LRTM1: variants seen among roughly 807,000 people sequenced by gnomAD.
The protein encoded by LRTM1 is leucine-rich repeat and transmembrane domain-containing protein 1.
In LRTM1, 38 loss-of-function variants were observed where a neutral mutation model predicts 32.4. The ratio of observed to expected loss-of-function variants is 1.17; its 90% confidence interval spans 0.91 to 1.54. The LOEUF (loss-of-function observed/expected upper bound fraction) is 1.54, where lower values mean the gene tolerates loss of function less well. Among genes scored for constraint, LRTM1 ranks in the 40% most tolerant of loss-of-function variants. The probability of loss-of-function intolerance (pLI) is 0.00; values close to 1 mark genes in which losing one functional copy is unlikely to be tolerated. For missense variants in LRTM1, 466 were observed against 415.4 expected, an observed-to-expected ratio of 1.12 and a Z score of -1.06; for synonymous variants, 186 against 169.9, an observed-to-expected ratio of 1.09 and a Z score of -0.74.
At chr3:54,919,351 A>T (rs1291902189) in intron 2 of LRTM1, among the ~76,000 whole-genome samples, 1 of 152,240 alleles carries the variant, frequency 6.6e-6, no homozygotes. Context: ...TTATGTGTTT[A>T]TTACAAAGAT....
intron 2 of LRTM1, among the ~76,000 whole-genome samples, chr3:54,923,958 A>G (rs929605305): frequency 3.3e-5 from 5 of 152,222 alleles, no homozygotes; most frequent in East Asian, 1.9e-4. Flanking sequence ...CTGTGTTCCA[A>G]TAAAACTTTA....
intron 1 of LRTM1, among the ~76,000 whole-genome samples, chr3:54,954,283 A>G: frequency 6.6e-6 from 1 of 152,166 alleles, no homozygotes; most frequent in East Asian, 1.9e-4. Context: ...CACTCTGAAG[A>G]GCCTGCGGGA....
intron 1 of LRTM1, among the ~76,000 whole-genome samples, chr3:54,948,640 T>G (rs1261198404): frequency 1.3e-5 from 2 of 152,214 alleles, no homozygotes; most frequent in Non-Finnish European, 2.9e-5. Context: ...CTAGGTTTCA[T>G]GAGAGACACT....
At chr3:54,934,232 T>A (rs921770471) in intron 1 of LRTM1, among the ~76,000 whole-genome samples, 1 of 152,232 alleles carries the variant, frequency 6.6e-6, no homozygotes, top group Non-Finnish European at 1.5e-5. Flanking sequence ...TTTTATGCCC[T>A]AAGGTCATTT....
chr3:54,953,811 C>T (rs1187764444), intron 1 of LRTM1, among the ~76,000 whole-genome samples: 5 of 152,196 alleles, frequency 3.3e-5, no homozygotes, highest in East Asian at 1.9e-4. Context: ...CAAGTCAGTG[C>T]GCACAACCCT....
chr3:54,943,109 A>G (rs925373684), intron 1 of LRTM1, among the ~76,000 whole-genome samples: 1 of 151,862 alleles, frequency 6.6e-6, no homozygotes, highest in Admixed American at 6.6e-5. Flanking sequence ...GGTTGAGGCA[A>G]GAGGATCACT....
intron 1 of LRTM1, among the ~76,000 whole-genome samples, chr3:54,934,565 C>T (rs1701282654): frequency 6.6e-6 from 1 of 152,144 alleles, no homozygotes; most frequent in Admixed American, 6.5e-5. Context: ...GAAATGTATG[C>T]CTCCAGCCTC....
At chr3:54,932,471 C>A (rs1701213171), upstream of LRTM1, among the ~76,000 whole-genome samples, 2 of 152,138 alleles carry the variant, frequency 1.3e-5, no homozygotes, top group African/African-American at 4.8e-5. Context: ...TCTGCTTATA[C>A]TTCTGTATAT....
At chr3:54,947,388 T>C (rs1462525247) in intron 1 of LRTM1, among the ~76,000 whole-genome samples, 1 of 152,192 alleles carries the variant, frequency 6.6e-6, no homozygotes, top group African/African-American at 2.4e-5. Flanking sequence ...TGGTTAGGAC[T>C]TGCTGAGCAG....
At chr3:54,966,626 C>T (rs1488561303) in intron 1 of LRTM1, among the ~76,000 whole-genome samples, 2 of 152,142 alleles carry the variant, frequency 1.3e-5, no homozygotes, top group African/African-American at 4.8e-5. Context: ...AGAGATCAGC[C>T]TGGCTAACAT....
upstream of LRTM1, among the ~76,000 whole-genome samples, chr3:54,929,839 A>C (rs932917447): frequency 6.6e-6 from 1 of 152,164 alleles, no homozygotes; most frequent in African/African-American, 2.4e-5. Flanking sequence ...ATACATAACC[A>C]TCAATGGCCC....
At chr3:54,946,898 T>C (rs1701629821) in intron 1 of LRTM1, among the ~76,000 whole-genome samples, 1 of 152,160 alleles carries the variant, frequency 6.6e-6, no homozygotes, top group South Asian at 2.1e-4. Flanking sequence ...TGAATGATCT[T>C]TATCTGTAAT....
At chr3:54,960,568 G>T (rs1702006981) in intron 1 of LRTM1, among the ~76,000 whole-genome samples, 1 of 152,054 alleles carries the variant, frequency 6.6e-6, no homozygotes, top group Non-Finnish European at 1.5e-5. Context: ...AATGCATATT[G>T]CTTTGATCTA....
At chr3:54,936,795 CAG>C in intron 1 of LRTM1, among the ~76,000 whole-genome samples, 1 of 152,266 alleles carries the variant, frequency 6.6e-6, no homozygotes, top group Admixed American at 6.5e-5. Flanking sequence ...GCATGACTAT[CAG>C]AGTTTTGAGG....
At chr3:54,923,457 T>G (rs1700911641) in intron 2 of LRTM1, among the ~76,000 whole-genome samples, 1 of 152,154 alleles carries the variant, frequency 6.6e-6, no homozygotes, top group African/African-American at 2.4e-5. Context: ...CATCTTCCCA[T>G]CCATCCTATC....
At chr3:54,951,350 G>A (rs901630630) in intron 1 of LRTM1, among the ~76,000 whole-genome samples, 4 of 152,210 alleles carry the variant, frequency 2.6e-5, no homozygotes, top group African/African-American at 2.4e-5. Flanking sequence ...CAGCACTATA[G>A]TAATGTTTCT....
chr3:54,957,160 A>C (rs1378988037), intron 1 of LRTM1, among the ~76,000 whole-genome samples: 1 of 79,760 alleles, frequency 1.3e-5, no homozygotes, highest in Non-Finnish European at 2.4e-5. Flanking sequence ...GTTATAAAAT[A>C]ATTTTCTTTT....
In LRTM1 at chr3:54,924,910, G is replaced by A. The variant is rs774161648; in HGVS notation, c.313C>T (p.Leu105=). ...HGLQHLQVLN[L]TQNSLLSLES... ...AGGGAAAGGAGTGAATTCTGGGTTA[G>A]ATTTAAAACCTGCAAGTGCTGAAGC... is the stretch of plus-strand genomic sequence containing the variant. Residue 105 remains leucine, a synonymous_variant, in exon 2 of 3, where the codon CTA becomes TTA. Transcript: ENST00000273286. 6 of 1,613,446 alleles carry A rather than the reference G, an allele frequency of 3.7e-6. No homozygotes were observed. Among genetic ancestry groups the A allele is most frequent in the Non-Finnish European group, 5.1e-6 (6 of 1,179,410 alleles).
chr3:54,918,873 G>C lies in LRTM1; in HGVS notation c.624C>G (p.Ile208Met). The change falls in exon 3 of 3, where the codon ATC becomes ATG. Residue 208 changes from isoleucine to methionine, a missense_variant. Ile to Met is a conservative substitution (Grantham distance 10, BLOSUM62 1). Coordinates refer to ENST00000273286, the MANE Select transcript of LRTM1 (RefSeq NM_020678.4). The part of the protein sequence containing the change: ...FVYKGGLTDG[I>M]ICESPDTWKG... Reference sequence around the variant, plus strand: ...TCCAGGTGTCTGGTGATTCACAGATGATGCCGTCTGTTAGTCCCCCTTTAA... The same window carrying C: ...TCCAGGTGTCTGGTGATTCACAGATCATGCCGTCTGTTAGTCCCCCTTTAA... The C allele has an allele frequency of 6.5e-7, 1 of 1,548,554 alleles. No homozygotes were observed. The highest frequency in any genetic ancestry group is 8.7e-7 in the Non-Finnish European group (1 of 1,146,298).
Sources: gnomAD v4.1 joint callset for allele counts (sites outside exome capture counted in the v4.1 genomes callset) on GRCh38, gnomAD v4.1.1 for gene constraint, MANE v1.5 for transcripts, NCBI Gene and HGNC (gene_info 2026-07-23, HGNC 2026-07-21) for gene names.